CHODL: variants seen among roughly 807,000 people sequenced by gnomAD.
The protein encoded by CHODL is transmembrane protein MT75.
In CHODL, 29 loss-of-function variants were observed where a neutral mutation model predicts 34.5. The ratio of observed to expected loss-of-function variants is 0.84; its 90% CI spans 0.63 to 1.15. The LOEUF (loss-of-function observed/expected upper bound fraction) is 1.15, where lower values mean the gene tolerates loss of function less well. CHODL is among the 50% of genes most tolerant of loss of function. The probability of loss-of-function intolerance (pLI) is 0.00; values close to 1 mark genes in which losing one functional copy is unlikely to be tolerated. For synonymous variants in CHODL, 125 were observed against 116.1 expected (o/e 1.08, Z -0.49); for missense variants, 332 against 332.5 (o/e 1.00, Z 0.01).
At chr21:18,054,980 C>T (rs997494215) in intron 2 of CHODL, among the ~76,000 whole-genome samples, 3 of 152,080 alleles carry the variant, frequency 2.0e-5, no homozygotes, top group East Asian at 3.9e-4. Flanking sequence ...TGAGACTGGT[C>T]GTCCATTGAT....
intron 2 of CHODL, among the ~76,000 whole-genome samples, chr21:18,089,321 TATTA>T (rs1203559660): frequency 2.6e-5 from 4 of 152,144 alleles, no homozygotes; most frequent in Non-Finnish European, 5.9e-5. Context: ...AGATATTATT[TATTA>T]ATTTATCTGT....
intron 2 of CHODL, among the ~76,000 whole-genome samples, chr21:18,051,787 T>C (rs908499012): frequency 3.3e-5 from 5 of 151,964 alleles, no homozygotes; most frequent in African/African-American, 9.7e-5. Context: ...GGTAGGATGA[T>C]AAAAAGTTTG....
chr21:17,994,802 A>T (rs2063832698), intron 1 of CHODL, among the ~76,000 whole-genome samples: 1 of 152,142 alleles, frequency 6.6e-6, no homozygotes, highest in Non-Finnish European at 1.5e-5. Flanking sequence ...TGTGGGTGCC[A>T]GCAGTGGCAG....
intron 2 of CHODL, among the ~76,000 whole-genome samples, chr21:18,075,352 A>G (rs1265107537): frequency 6.6e-6 from 1 of 152,204 alleles, no homozygotes; most frequent in African/African-American, 2.4e-5. Flanking sequence ...TAGAAAGAGA[A>G]CAAATTAGAA....
intron 2 of CHODL, among the ~76,000 whole-genome samples, chr21:18,143,830 C>T (rs1476958464): frequency 6.6e-6 from 1 of 152,004 alleles, no homozygotes; most frequent in South Asian, 2.1e-4. Flanking sequence ...AAAATTACTT[C>T]CTGCTACTGA....
At chr21:18,162,641 A>G (rs1444374014) in intron 2 of CHODL, among the ~76,000 whole-genome samples, 1 of 152,186 alleles carries the variant, frequency 6.6e-6, no homozygotes, top group African/African-American at 2.4e-5. Flanking sequence ...GGTCTTCAAC[A>G]TTTGAATGTG....
intron 3 of CHODL, among the ~76,000 whole-genome samples, chr21:18,258,161 C>G (rs2074339009): frequency 6.6e-6 from 1 of 152,036 alleles, no homozygotes; most frequent in African/African-American, 2.4e-5. Context: ...TTACATTTAT[C>G]CTGCTCTTGA....
chr21:17,988,975 C>G (rs1037550489), intron 1 of CHODL, among the ~76,000 whole-genome samples: 13 of 152,270 alleles, frequency 8.5e-5, no homozygotes, highest in African/African-American at 3.1e-4. Flanking sequence ...AATCGCCACA[C>G]TGACTTCCAC....
At chr21:18,215,443 G>T (rs2073816850) in intron 2 of CHODL, among the ~76,000 whole-genome samples, 1 of 152,098 alleles carries the variant, frequency 6.6e-6, no homozygotes, top group African/African-American at 2.4e-5. Context: ...ATATAAAGAG[G>T]CATGGTCTTG....
intron 1 of CHODL, among the ~76,000 whole-genome samples, chr21:18,246,433 A>T (rs570586169): frequency 1.3e-5 from 2 of 152,168 alleles, no homozygotes; most frequent in Non-Finnish European, 2.9e-5. Flanking sequence ...TATTAAGCTT[A>T]ATTGTCACTG....
At chr21:18,050,834 G>T (rs906945976) in intron 2 of CHODL, among the ~76,000 whole-genome samples, 2 of 151,630 alleles carry the variant, frequency 1.3e-5, no homozygotes, top group Non-Finnish European at 2.9e-5. Flanking sequence ...GGTTAGAAAA[G>T]AAAAACTGAA....
intron 1 of CHODL, among the ~76,000 whole-genome samples, chr21:18,027,370 G>A (rs1336437574): frequency 1.3e-5 from 2 of 152,080 alleles, no homozygotes; most frequent in African/African-American, 4.8e-5. Context: ...AAATAGGTAT[G>A]GATCTAAATA....
intron 2 of CHODL, among the ~76,000 whole-genome samples, chr21:18,069,836 C>G (rs1047168915): frequency 6.6e-6 from 1 of 151,934 alleles, no homozygotes; most frequent in East Asian, 1.9e-4. Flanking sequence ...TCTCAAACTC[C>G]TGGGCTCAAG....
chr21:18,234,597 G>T (rs551549889), intron 2 of CHODL, among the ~76,000 whole-genome samples: 3 of 152,062 alleles, frequency 2.0e-5, no homozygotes, highest in Non-Finnish European at 2.9e-5. Context: ...AAAAGGGGAG[G>T]CAGGGAACAA....
chr21:18,120,825 A>C (rs1379327471), intron 2 of CHODL, among the ~76,000 whole-genome samples: 2 of 152,108 alleles, frequency 1.3e-5, no homozygotes, highest in Non-Finnish European at 2.9e-5. Flanking sequence ...AAAACCAAAA[A>C]TCCTGTGTTC....
chr21:17,981,782 A>T (rs1409140529), intron 1 of CHODL, among the ~76,000 whole-genome samples: 1 of 152,162 alleles, frequency 6.6e-6, no homozygotes, highest in Non-Finnish European at 1.5e-5. Flanking sequence ...TTTTTGTTAC[A>T]CTTAGTACAA....
At chr21:17,961,203 A>T (rs1174713120) in intron 1 of CHODL, among the ~76,000 whole-genome samples, 1 of 152,144 alleles carries the variant, frequency 6.6e-6, no homozygotes, top group Non-Finnish European at 1.5e-5. Flanking sequence ...GTAAGACTTC[A>T]GTGTTATTGT....
chr21:18,192,225 A>G (rs1460509919), intron 2 of CHODL, among the ~76,000 whole-genome samples: 7 of 152,184 alleles, frequency 4.6e-5, no homozygotes, highest in Non-Finnish European at 1.5e-5. Flanking sequence ...TACAGTCAGT[A>G]TGAGATATAC....
chr21:18,065,591 A>T (rs529701562), intron 2 of CHODL, among the ~76,000 whole-genome samples: 1 of 152,252 alleles, frequency 6.6e-6, no homozygotes, highest in South Asian at 2.1e-4. Context: ...GGAGATTGCA[A>T]TCAAGTTGCT....
Sources: allele counts gnomAD v4.1 joint callset (sites outside exome capture counted in the v4.1 genomes callset), GRCh38; gene constraint gnomAD v4.1.1; transcripts MANE v1.5; gene names NCBI Gene and HGNC (gene_info 2026-07-23, HGNC 2026-07-21).